The following KDM7A variants were observed in gnomAD, a reference collection of about 807,000 sequenced individuals.
KDM7A encodes the protein lysine-specific demethylase 7A.
Under a neutral mutation model 114.8 loss-of-function variants are expected in KDM7A, and 28 were observed. That is an observed-to-expected ratio of 0.24 (90% confidence interval 0.18 to 0.33). KDM7A has a LOEUF of 0.33. Ranked by LOEUF, KDM7A falls within the 10% of genes least tolerant of loss-of-function variation. The pLI is 1.00. For synonymous variants in KDM7A, 423 were observed against 397.8 expected, an observed-to-expected ratio of 1.06 and a Z score of -0.75; for missense variants, 942 against 1,142.5, an observed-to-expected ratio of 0.82 and a Z score of 2.53.
rs554996489 is a variant in KDM7A at position 140,153,200 on chromosome 7, G to A, written c.195-14010C>T. On this transcript the variant is annotated intron_variant, in intron 1 of 19. Coordinates refer to ENST00000397560, the MANE Select transcript of KDM7A (RefSeq NM_030647.2). ...AGGCAAATGTAAGGAAAATATAGGC[G>A]GTCCTTACTTTGCATGGTAGTGCAG... Among the ~76,000 whole-genome samples the A allele has an allele frequency of 3.3e-5, 5 of 151,848 alleles. No homozygotes were observed. The South Asian group carries it at 8.3e-4, about 25-fold the overall frequency.
rs938149376 is a variant in KDM7A at position 140,089,806 on chromosome 7, A to G, written c.*1288T>C. 6.6e-6 allele frequency: 1 copy of G among 152,212 alleles called. No homozygotes were observed. The highest frequency in any genetic ancestry group is 1.5e-5 in the Non-Finnish European group (1 of 68,022). The allele number at this position is 152,212 out of a possible 1,614,324, so 9.4% of individuals were successfully genotyped here. A position where few individuals can be genotyped will look rare whatever the true frequency, so the allele number is the denominator to read the frequency against. ...TTAGGATAGATGGAAGAAACTGCCA[A>G]AAGCACCCATTTTACTCCAAATCCA... On this transcript the variant is annotated 3_prime_UTR_variant, in exon 20 of 20. Transcript: ENST00000397560.
intron 1 of KDM7A, among the ~76,000 whole-genome samples, chr7:140,140,204 C>A (rs955579294): frequency 5.9e-5 from 9 of 152,082 alleles, no homozygotes; most frequent in African/African-American, 2.2e-4. Context: ...AGTAAAGATG[C>A]AAATATCAAG....
At chr7:140,137,074 A>T (rs1403251974) in intron 2 of KDM7A, among the ~76,000 whole-genome samples, 2 of 151,994 alleles carry the variant, frequency 1.3e-5, no homozygotes, top group East Asian at 3.9e-4. Context: ...CAAGTTGGGG[A>T]TAGAAGGTGA....
intron 14 of KDM7A, 69 bp from the exon 15 acceptor site, chr7:140,097,711 G>T: frequency 1.2e-6 from 1 of 846,474 alleles, no homozygotes; most frequent in Non-Finnish European, 2.0e-6. Context: ...TGACAAGATG[G>T]TATCTAAAGT....
At chr7:140,152,275 T>G (rs759308862) in intron 1 of KDM7A, among the ~76,000 whole-genome samples, 1 of 152,126 alleles carries the variant, frequency 6.6e-6, no homozygotes, top group Non-Finnish European at 1.5e-5. Flanking sequence ...AATCTTGACA[T>G]AACTGGTAAC....
At chr7:140,100,127 A>T in intron 12 of KDM7A, 104 bp from the exon 13 acceptor site, 2 of 1,237,004 alleles carry the variant, frequency 1.6e-6, no homozygotes, top group Non-Finnish European at 1.2e-6. Flanking sequence ...CCTGCATCTC[A>T]AAGATACAGG....
chr7:140,145,135 T>C (rs181726769), intron 1 of KDM7A, among the ~76,000 whole-genome samples: 4 of 152,292 alleles, frequency 2.6e-5, no homozygotes, highest in African/African-American at 9.6e-5. Context: ...TACAAAACCA[T>C]TCCTATGTAT....
rs368089809 is a variant in KDM7A, at chr7:140,127,042, C to T, written c.702-219G>A. Among the ~76,000 whole-genome samples, 3 of 152,340 alleles carry T rather than the reference C, an allele frequency of 2.0e-5. 1 individual carries two copies. The highest frequency in any genetic ancestry group is 7.2e-5 in the African/African-American group (3 of 41,588). On this transcript the variant is annotated intron_variant, in intron 5 of 19. Transcript: ENST00000397560. The stretch of plus-strand genomic sequence containing the variant: ...TGGCGCGATCCTGGCTCACTGCAAA[C>T]TCCATCCTGCCGGGTTCGAGAGATC...
Position 140,099,883 on chromosome 7 carries a change from G to C in KDM7A, c.1763+16C>G. The C allele has an allele frequency of 6.2e-7, 1 of 1,603,868 alleles. No homozygotes were observed. Among genetic ancestry groups the C allele is most frequent in the Non-Finnish European group, 8.5e-7 (1 of 1,170,720 alleles). ...TGAAAATTAATCTATTTGATACTCT[G>C]ATTTACTTTACATACTTAATTATTC... On this transcript the variant is annotated intron_variant, in intron 13 of 19. Coordinates refer to ENST00000397560, the MANE Select transcript of KDM7A (RefSeq NM_030647.2).
At position 140,090,174 on chromosome 7, in the gene KDM7A, T is replaced by C. The variant is rs1817996484; in HGVS notation, c.*920A>G. The stretch of plus-strand genomic sequence containing the variant: ...TTTTCCCACAAGTAGGAAAAATATA[T>C]TAAAGCTGCTCTCTTTGGGACCCAG... On this transcript the variant is annotated 3_prime_UTR_variant, in exon 20 of 20. Transcript: ENST00000397560. 6.6e-6 allele frequency: 1 copy of C among 152,206 alleles called. No homozygotes were observed. The highest frequency in any genetic ancestry group is 2.1e-4 in the South Asian group (1 of 4,828). The allele number at this position is 152,206 out of a possible 1,614,324, so 9.4% of individuals were successfully genotyped here. A position where few individuals can be genotyped will look rare whatever the true frequency, so the allele number is the denominator to read the frequency against.
At chr7:140,138,184 T>C (rs1818899650) in intron 2 of KDM7A, among the ~76,000 whole-genome samples, 1 of 152,034 alleles carries the variant, frequency 6.6e-6, no homozygotes, top group African/African-American at 2.4e-5. Flanking sequence ...GAAGCATGCC[T>C]GTGGTCCCAG....
intron 17 of KDM7A, 115 bp downstream of exon 17, chr7:140,096,440 C>A: frequency 1.2e-6 from 1 of 818,374 alleles, no homozygotes; most frequent in Non-Finnish European, 1.9e-6. Context: ...ACCTTCTTAA[C>A]ACATTTCCAA....
intron 10 of KDM7A, among the ~76,000 whole-genome samples, chr7:140,111,969 G>A (rs1477230096): frequency 6.6e-6 from 1 of 151,642 alleles, no homozygotes; most frequent in Non-Finnish European, 1.5e-5. Context: ...AGCTCTAAAG[G>A]GAATTCTGAT....
intron 9 of KDM7A, among the ~76,000 whole-genome samples, chr7:140,117,656 A>G (rs956705352): frequency 6.6e-6 from 1 of 152,252 alleles, no homozygotes; most frequent in Non-Finnish European, 1.5e-5. Context: ...TTGTGTTTTT[A>G]TAAGTATATA....
chr7:140,120,394 C>A, intron 8 of KDM7A, 48 bp downstream of exon 8: 1 of 1,093,152 alleles, frequency 9.1e-7, no homozygotes, highest in Non-Finnish European at 1.4e-6. Flanking sequence ...AAAAAGTATC[C>A]TATTTTTAAA....
Position 140,117,485 on chromosome 7 carries a change from T to TGA in KDM7A, c.1246+1627_1246+1628insTC, listed in dbSNP as rs1354599582. Among the ~76,000 whole-genome samples, 3 of 151,484 alleles carry TGA rather than the reference T, an allele frequency of 2.0e-5. No homozygotes were observed. The East Asian group carries it at 5.8e-4, about 29-fold the overall frequency. ...AAGGGTAGAGGCGTGTGTGTGTGTG[T>TGA]GTTCGTGGATAGTTTCTCCTAGCTA... On this transcript the variant is annotated intron_variant, in intron 9 of 19. Transcript: ENST00000397560.
Position 140,126,625 on chromosome 7 carries a change from C to A in KDM7A, c.888+12G>T. On this transcript the variant is annotated intron_variant, in intron 6 of 19. Transcript: ENST00000397560. ...TTTGTCAGTGAGAGAACAAAAAATA[C>A]CCCAATCTTACCCAGAGGACATGGT... The A allele has an allele frequency of 1.3e-6, 2 of 1,557,174 alleles. No homozygotes were observed. The highest frequency in any genetic ancestry group is 1.7e-6 in the Non-Finnish European group (2 of 1,149,496).
intron 17 of KDM7A, among the ~76,000 whole-genome samples, 157 bp downstream of exon 17, chr7:140,096,398 G>A (rs1409986355): frequency 6.6e-6 from 1 of 152,138 alleles, no homozygotes; most frequent in Non-Finnish European, 1.5e-5. Flanking sequence ...TCCATCTTAC[G>A]TGATATGTCA....
intron 11 of KDM7A, among the ~76,000 whole-genome samples, chr7:140,106,126 G>A (rs1410729971): frequency 5.3e-5 from 8 of 152,022 alleles, no homozygotes; most frequent in Admixed American, 3.3e-4. Flanking sequence ...CTGTGGGATC[G>A]GTGGTGATAT....
Sources: allele counts gnomAD v4.1 joint callset (sites outside exome capture counted in the v4.1 genomes callset), GRCh38; gene constraint gnomAD v4.1.1; transcripts MANE v1.5; gene names NCBI Gene and HGNC (gene_info 2026-07-23, HGNC 2026-07-21).